Variants in TDRD12 observed in about 807,000 individuals in gnomAD.
TDRD12 encodes tudor domain containing 12, also known as putative ATP-dependent RNA helicase TDRD12.
Under a neutral mutation model 133.5 loss-of-function variants are expected in TDRD12, and 158 were observed. The ratio of observed to expected loss-of-function variants is 1.18; its 90% CI spans 1.04 to 1.35. TDRD12 has a LOEUF of 1.35. Ranked by LOEUF, TDRD12 falls within the 40% of genes most tolerant of loss-of-function variation. The pLI is 0.00. For synonymous variants in TDRD12, 460 were observed against 477.9 expected, an observed-to-expected ratio of 0.96 and a Z score of 0.49; for missense variants, 1,443 against 1,321.3, an observed-to-expected ratio of 1.09 and a Z score of -1.43.
chr19:32,806,437 T>G (rs1971553154), intron 21 of TDRD12, among the ~76,000 whole-genome samples: 1 of 147,976 alleles, frequency 6.8e-6, no homozygotes, highest in Non-Finnish European at 1.5e-5. Flanking sequence ...CCGCCTCCCG[T>G]GTTCAAGCAG....
At chr19:32,777,857 ATTTTTTTTTTTTTTTTT>A (rs869285558) in intron 11 of TDRD12, among the ~76,000 whole-genome samples, 15 of 20,048 alleles carry the variant, frequency 7.5e-4, no homozygotes, top group East Asian at 1.5e-3. Flanking sequence ...ATATATATAT[ATTTTTTTTTTTTTTTTT>A]TTTTTTTTTT....
intron 16 of TDRD12, 61 bp downstream of exon 16, chr19:32,798,496 T>C (rs967796465): frequency 1.4e-6 from 2 of 1,395,444 alleles, no homozygotes; most frequent in South Asian, 1.5e-5. Flanking sequence ...TGCTAACTGA[T>C]GGCAGGAAGG....
intron 25 of TDRD12, among the ~76,000 whole-genome samples, chr19:32,814,948 T>C (rs924379109): frequency 6.6e-6 from 1 of 152,190 alleles, no homozygotes; most frequent in Non-Finnish European, 1.5e-5. Context: ...TGTTGCAGAT[T>C]TTTATGTTTT....
chr19:32,743,547 C>A (rs1969499999), intron 4 of TDRD12, among the ~76,000 whole-genome samples: 1 of 151,998 alleles, frequency 6.6e-6, no homozygotes, highest in Non-Finnish European at 1.5e-5. Flanking sequence ...TGTGCTGGGC[C>A]CATGGAGCAT....
At chr19:32,825,795 C>T (rs141403478), downstream of TDRD12, among the ~76,000 whole-genome samples, 678 of 152,182 alleles carry the variant, frequency 4.5e-3, 5 homozygotes, top group African/African-American at 0.015. This position sits in a 1 kb window ranked among gnomAD's most constrained non-coding sequence, Gnocchi z 4.1. Context: ...GCAGGAGAAT[C>T]GCTTGAACTC....
intron 1 of TDRD12, among the ~76,000 whole-genome samples, chr19:32,729,865 A>T (rs577424992): frequency 7.7e-6 from 1 of 129,442 alleles, no homozygotes; most frequent in African/African-American, 3.0e-5. Flanking sequence ...ATCTCGGCTC[A>T]CTGCAAGCTC....
At chr19:32,731,771 C>T in exon 2 of TDRD12, 1 of 1,550,656 alleles carries the variant, frequency 6.4e-7, no homozygotes, top group Non-Finnish European at 8.7e-7. Flanking sequence ...GGGTGTAGTC[C>T]CTTTTTAGAT....
At chr19:32,804,205 T>C (rs1214899900) in intron 21 of TDRD12, among the ~76,000 whole-genome samples, 1 of 151,766 alleles carries the variant, frequency 6.6e-6, no homozygotes, top group Non-Finnish European at 1.5e-5. Context: ...CCCGAGTAGC[T>C]GGGACTACAG....
chr19:32,796,330 C>T (rs2145681432), intron 14 of TDRD12: 1 of 286,738 alleles, frequency 3.5e-6, no homozygotes, highest in African/African-American at 2.3e-5. Context: ...TGGCTCATGC[C>T]TGTAATCCAG....
At chr19:32,735,967 C>T (rs955653346) in intron 2 of TDRD12, among the ~76,000 whole-genome samples, 1 of 152,068 alleles carries the variant, frequency 6.6e-6, no homozygotes, top group Non-Finnish European at 1.5e-5. Context: ...GAGACTCCAT[C>T]TTAAAAAATA....
exon 10 of TDRD12, chr19:32,828,593 T>A (rs1967662168): frequency 1.3e-5 from 2 of 152,206 alleles, no homozygotes; most frequent in African/African-American, 4.8e-5. Flanking sequence ...GAGTGTTGTG[T>A]GACGGCCCCA....
At chr19:32,796,158 G>A (rs1024908236) in intron 14 of TDRD12, 1 of 985,298 alleles carries the variant, frequency 1.0e-6, no homozygotes, top group African/African-American at 1.7e-5. Context: ...CTGCATCTCG[G>A]GGCCTGGCAC....
downstream of TDRD12, chr19:32,826,207 A>G (rs1220524439): frequency 1.6e-5 from 24 of 1,515,470 alleles, no homozygotes; most frequent in Non-Finnish European, 1.9e-5. Context: ...TACCCAGTTA[A>G]TAAGATCAAT....
At chr19:32,790,873 T>C in intron 12 of TDRD12, 91 bp from the exon 13 acceptor site, 1 of 1,475,660 alleles carries the variant, frequency 6.8e-7, no homozygotes, top group Non-Finnish European at 8.9e-7. Context: ...TACATTGAAA[T>C]CTATATTTTC....
chr19:32,745,030 C>G (rs1969559149), intron 4 of TDRD12, among the ~76,000 whole-genome samples: 1 of 152,230 alleles, frequency 6.6e-6, no homozygotes, highest in Non-Finnish European at 1.5e-5. Context: ...GGATAAGTCC[C>G]TGCTGAGGCC....
rs574181084 is a variant in TDRD12, at chr19:32,761,947, G to A, written c.865+4817G>A. 1.3e-4 allele frequency among the ~76,000 whole-genome samples: 20 copies of A among 152,140 alleles called. No homozygotes were observed. The East Asian group carries it at 3.3e-3, about 25-fold the overall frequency. ...GTGATCCACCCACCTCAAATGATCC[G>A]ACTGCCTCGGCCTCCCAAAGTGCGG... On this transcript the variant is annotated intron_variant, in intron 8 of 27. Transcript: ENST00000444215.
chr19:32,810,436 A>T (rs1268457995), intron 23 of TDRD12, among the ~76,000 whole-genome samples, 159 bp downstream of exon 23: 1 of 152,196 alleles, frequency 6.6e-6, no homozygotes, highest in Non-Finnish European at 1.5e-5. Context: ...TCTTTGTGGG[A>T]AACTCTTCCC....
intron 16 of TDRD12, among the ~76,000 whole-genome samples, chr19:32,799,770 C>CGTCGCCCA (rs1252478956): frequency 7.3e-6 from 1 of 137,920 alleles, no homozygotes; most frequent in Non-Finnish European, 1.5e-5. Context: ...GTCCCACCCT[C>CGTCGCCCA]GTCGCCCAGG....
At chr19:32,821,366 C>CAG (rs1215962567), downstream of TDRD12, 256 of 484,992 alleles carry the variant, frequency 5.3e-4, no homozygotes, top group East Asian at 5.2e-3. Flanking sequence ...AACAGCTCAG[C>CAG]AGAGTGTGTG....
Sources: allele counts gnomAD v4.1 joint callset (sites outside exome capture counted in the v4.1 genomes callset), GRCh38; gene constraint gnomAD v4.1.1; non-coding constraint Gnocchi (gnomAD v3.1); transcripts MANE v1.5; gene names NCBI Gene and HGNC (gene_info 2026-07-23, HGNC 2026-07-21).